PHKB: variants seen among roughly 807,000 people sequenced by gnomAD.
PHKB encodes the protein phosphorylase b kinase regulatory subunit beta.
Under a neutral mutation model 152.1 loss-of-function variants are expected in PHKB, and 122 were observed. The ratio of observed to expected loss-of-function variants is 0.80; its 90% CI spans 0.69 to 0.93. The LOEUF is 0.93. Among genes scored for constraint, PHKB ranks in the 40% least tolerant of loss-of-function variants. The probability of loss-of-function intolerance (pLI) is 0.00; values close to 1 mark genes in which losing one functional copy is unlikely to be tolerated. For missense variants in PHKB, 1,304 were observed against 1,328.4 expected, an observed-to-expected ratio of 0.98 and a Z score of 0.29; for synonymous variants, 436 against 464.9, an observed-to-expected ratio of 0.94 and a Z score of 0.80.
intron 9 of PHKB, among the ~76,000 whole-genome samples, chr16:47,588,407 T>C (rs1412384058): frequency 6.6e-6 from 1 of 152,008 alleles, no homozygotes; most frequent in African/African-American, 2.4e-5. Flanking sequence ...TTTTCACTTA[T>C]TTTTAGACAT....
intron 7 of PHKB, among the ~76,000 whole-genome samples, chr16:47,570,774 TA>T (rs1199866227): frequency 6.6e-6 from 1 of 152,102 alleles, no homozygotes; most frequent in Non-Finnish European, 1.5e-5. Flanking sequence ...CTTTATCTGG[TA>T]TTTCAAAGAT....
chr16:47,596,028 A>G (rs998951060), intron 12 of PHKB, among the ~76,000 whole-genome samples: 2 of 152,182 alleles, frequency 1.3e-5, no homozygotes, highest in African/African-American at 4.8e-5. Flanking sequence ...GCTCAGCTTG[A>G]ATTACAGTAA....
intron 3 of PHKB, among the ~76,000 whole-genome samples, chr16:47,500,763 A>G (rs1253033360): frequency 1.3e-5 from 2 of 152,204 alleles, no homozygotes; most frequent in Admixed American, 1.3e-4. Context: ...CATTATATGT[A>G]GAAAGCACTG....
intron 8 of PHKB, among the ~76,000 whole-genome samples, chr16:47,582,143 C>G (rs1199021793): frequency 6.6e-6 from 1 of 152,220 alleles, no homozygotes; most frequent in African/African-American, 2.4e-5. Context: ...TCTTGCTAAC[C>G]TGGCTTCTGT....
chr16:47,636,087 T>C (rs1026915779), intron 14 of PHKB, among the ~76,000 whole-genome samples: 1 of 152,162 alleles, frequency 6.6e-6, no homozygotes, highest in Non-Finnish European at 1.5e-5. Flanking sequence ...GACCCATTAA[T>C]TGAGGGTTAA....
intron 1 of PHKB, among the ~76,000 whole-genome samples, chr16:47,475,859 T>G (rs1203075914): frequency 1.3e-5 from 2 of 152,154 alleles, no homozygotes; most frequent in Non-Finnish European, 2.9e-5. Flanking sequence ...AACTGTGGCT[T>G]ATATAAACAT....
intron 6 of PHKB, among the ~76,000 whole-genome samples, chr16:47,539,552 A>G (rs1476275299): frequency 3.3e-5 from 5 of 152,154 alleles, no homozygotes; most frequent in Admixed American, 6.5e-5. Flanking sequence ...CCATTGGAGC[A>G]TTGAGAAGAT....
chr16:47,461,425 A>G lies in PHKB; in HGVS notation c.75A>G (p.Ser25=). Reference sequence around the variant, plus strand: ...AGCGAAGAGCTCGGACCAAGCGCTCAGGTTTGGCTGGCTGGGGCGCCGCCC... The same window carrying G: ...AGCGAAGAGCTCGGACCAAGCGCTCGGGTTTGGCTGGCTGGGGCGCCGCCC... ...VLERRARTKR[S]GSVYEPLKSI... The change falls in exon 1 of 31, where the codon TCA becomes TCG. Residue 25 remains serine (S), a splice_region_variant and synonymous_variant. Transcript: ENST00000323584. 1 of 1,613,214 alleles carries G rather than the reference A, an allele frequency of 6.2e-7. No homozygotes were observed. Among genetic ancestry groups the G allele is most frequent in the African/African-American group, 1.3e-5 (1 of 75,018 alleles).
chr16:47,630,177 A>T lies in PHKB; in HGVS notation c.1459-10858A>T, dbSNP rs534523267. Among the ~76,000 whole-genome samples, 297 of 152,304 alleles carry T rather than the reference A, an allele frequency of 2.0e-3. 1 individual carries two copies. The highest frequency in any genetic ancestry group is 6.8e-3 in the African/African-American group (282 of 41,580). ...TACCCTAAAACTTAAAGTATATAAA[A>T]AAAAAGAACTAAAGAATTATATTCT... On this transcript the variant is annotated intron_variant, in intron 14 of 30. Transcript: ENST00000323584.
intron 1 of PHKB, among the ~76,000 whole-genome samples, chr16:47,494,506 G>A (rs1427470400): frequency 6.6e-6 from 1 of 152,154 alleles, no homozygotes; most frequent in African/African-American, 2.4e-5. Context: ...GGGTGTGGGT[G>A]CATAGGAAGG....
chr16:47,547,792 A>G, intron 7 of PHKB: 1 of 454,224 alleles, frequency 2.2e-6, no homozygotes, highest in African/African-American at 2.0e-5. Flanking sequence ...CAGTACATGC[A>G]TGTCAGCCCT....
At chr16:47,509,494 C>G (rs962496891) in intron 4 of PHKB, among the ~76,000 whole-genome samples, 2 of 152,010 alleles carry the variant, frequency 1.3e-5, no homozygotes, top group African/African-American at 4.8e-5. Context: ...ACAATATTGC[C>G]CAATAGAACT....
Position 47,660,513 on chromosome 16 carries a change from T to C in PHKB, c.1979T>C (p.Ile660Thr). The C allele has an allele frequency of 6.2e-7, 1 of 1,613,004 alleles. No individual in the cohort carries two copies. The highest frequency in any genetic ancestry group is 8.5e-7 in the Non-Finnish European group (1 of 1,179,002). The change falls in exon 21 of 31, where the codon ATA (isoleucine) becomes ACA (threonine). Residue 660 changes from isoleucine to threonine, a missense_variant. Transcript: ENST00000323584. ...KVHVDRLQTLISGAVVEQLDF... is the reference protein window; with the variant it reads ...KVHVDRLQTLTSGAVVEQLDF... Reference sequence around the variant, plus strand: ...TTTTCGATCACGTTTCAGACACTAATATCTGGAGCTGTGGTAGAACAACTT... The same window carrying C: ...TTTTCGATCACGTTTCAGACACTAACATCTGGAGCTGTGGTAGAACAACTT...
intron 7 of PHKB, among the ~76,000 whole-genome samples, chr16:47,560,875 A>G (rs1971464753): frequency 6.6e-6 from 1 of 152,176 alleles, no homozygotes; most frequent in African/African-American, 2.4e-5. Context: ...ATATGTTATG[A>G]TAGGGATGGA....
chr16:47,516,274 AG>A (rs1045451330), intron 6 of PHKB, among the ~76,000 whole-genome samples: 1 of 152,186 alleles, frequency 6.6e-6, no homozygotes, highest in Non-Finnish European at 1.5e-5. Flanking sequence ...CCCTTTGAAA[AG>A]TAAAGAGAAA....
At chr16:47,683,453 C>G (rs925196666) in intron 26 of PHKB, among the ~76,000 whole-genome samples, 1 of 152,186 alleles carries the variant, frequency 6.6e-6, no homozygotes, top group Non-Finnish European at 1.5e-5. Flanking sequence ...CTAATCAAGC[C>G]TTGGCAATGG....
chr16:47,664,559 T>TA (rs1973503962), intron 24 of PHKB, among the ~76,000 whole-genome samples: 2 of 152,204 alleles, frequency 1.3e-5, no homozygotes, highest in Non-Finnish European at 2.9e-5. Context: ...TTATAATAAA[T>TA]ATGCCGTTCC....
At chr16:47,574,023 G>A (rs756743296) in intron 7 of PHKB, among the ~76,000 whole-genome samples, 19 of 152,194 alleles carry the variant, frequency 1.2e-4, no homozygotes, top group Non-Finnish European at 1.8e-4. Flanking sequence ...GGGTCCAAGC[G>A]ATTCTCCTGT....
intron 29 of PHKB, among the ~76,000 whole-genome samples, chr16:47,698,011 G>C (rs1974180294): frequency 6.6e-6 from 1 of 152,070 alleles, no homozygotes; most frequent in African/African-American, 2.4e-5. Flanking sequence ...TCCTGAACCT[G>C]GGTCCAGAGT....
Sources: allele counts gnomAD v4.1 joint callset (sites outside exome capture counted in the v4.1 genomes callset), GRCh38; gene constraint gnomAD v4.1.1; transcripts MANE v1.5; gene names NCBI Gene and HGNC (gene_info 2026-07-23, HGNC 2026-07-21).